The following SCN8A variants were observed in gnomAD, a reference collection of about 807,000 sequenced individuals.
SCN8A encodes sodium channel protein type 8 subunit alpha.
SCN8A carries 30 observed loss-of-function variants against 184.1 expected under a neutral mutation model. The ratio of observed to expected loss-of-function variants is 0.16; its 90% CI spans 0.12 to 0.22. The LOEUF (loss-of-function observed/expected upper bound fraction) is 0.22, where lower values mean the gene tolerates loss of function less well. Among genes scored for constraint, SCN8A ranks in the 10% least tolerant of loss-of-function variants. SCN8A has a pLI of 1.00. For synonymous variants in SCN8A, 852 were observed against 907.0 expected, an observed-to-expected ratio of 0.94 and a Z score of 1.09; for missense variants, 1,057 against 2,498.9, an observed-to-expected ratio of 0.42 and a Z score of 12.30.
chr12:51,671,339 A>G (rs1941126786), intron 2 of SCN8A, among the ~76,000 whole-genome samples: 1 of 152,116 alleles, frequency 6.6e-6, no homozygotes, highest in Admixed American at 6.6e-5. Flanking sequence ...TAATGTTTGC[A>G]ATTTTCTCCA....
intron 1 of SCN8A, among the ~76,000 whole-genome samples, chr12:51,598,157 G>A (rs1188560884): frequency 6.6e-6 from 1 of 152,124 alleles, no homozygotes; most frequent in Non-Finnish European, 1.5e-5. Context: ...TATTGTGATA[G>A]GGAGGGAAGA....
intron 1 of SCN8A, among the ~76,000 whole-genome samples, chr12:51,654,061 T>G (rs969043427): frequency 3.9e-5 from 6 of 152,260 alleles, no homozygotes; most frequent in African/African-American, 1.4e-4. Flanking sequence ...TGTTGTTGAG[T>G]TTTAGGAGTT....
chr12:51,681,953 T>TA (rs879887639), intron 2 of SCN8A, among the ~76,000 whole-genome samples: 224 of 145,112 alleles, frequency 1.5e-3, no homozygotes, highest in African/African-American at 4.8e-3. Flanking sequence ...GGATGGAGGT[T>TA]AAAAAAAAAA....
At chr12:51,791,983 C>A (rs1051179255) in intron 25 of SCN8A, among the ~76,000 whole-genome samples, 7 of 152,104 alleles carry the variant, frequency 4.6e-5, no homozygotes, top group African/African-American at 1.7e-4. Context: ...ATGTACCGTG[C>A]ACTAAGCATT....
At chr12:51,595,415 A>T (rs1176264011) in intron 1 of SCN8A, among the ~76,000 whole-genome samples, 3 of 152,250 alleles carry the variant, frequency 2.0e-5, no homozygotes, top group African/African-American at 7.2e-5. Context: ...GCCAGGACAC[A>T]TATTTAAGTA....
rs1001127487 is a variant in SCN8A at position 51,696,186 on chromosome 12, TTGTC to T, written c.707-3381_707-3378del. Among the ~76,000 whole-genome samples, 86 of 152,340 alleles carry T rather than the reference TTGTC, an allele frequency of 5.6e-4. 1 individual carries two copies. Among genetic ancestry groups the T allele is most frequent in the African/African-American group, 2.0e-3 (83 of 41,570 alleles). The stretch of plus-strand genomic sequence containing the variant: ...AGTCATCTGGTGTTTGGAAAGGTGA[TTGTC>T]TGAATCGTCTGGAGAGATGGCTGTA... On this transcript the variant is annotated intron_variant, in intron 6 of 26. Transcript: ENST00000627620.
At position 51,706,325 on chromosome 12, in the gene SCN8A, C is replaced by T. The variant is rs562129549; in HGVS notation, c.1342-97C>T. 3.3e-4 allele frequency: 404 copies of T among 1,218,076 alleles called. 5 individuals carry two copies. In the South Asian group the frequency reaches 8.6e-3, roughly 26 times the overall value. The allele number at this position is 1,218,076 out of a possible 1,614,324, so 75.5% of individuals were successfully genotyped here. On this transcript the variant is annotated intron_variant, in intron 10 of 26. Transcript: ENST00000627620. Reference sequence around the variant, plus strand: ...TTCCTGCCTCCTTTTTTCCTCCTTTCCCTTCAGTAGGGAAATGTTCTGTAC... The same window carrying T: ...TTCCTGCCTCCTTTTTTCCTCCTTTTCCTTCAGTAGGGAAATGTTCTGTAC...
At chr12:51,799,208 A>G (rs1938491328) in intron 26 of SCN8A, among the ~76,000 whole-genome samples, 1 of 152,178 alleles carries the variant, frequency 6.6e-6, no homozygotes, top group African/African-American at 2.4e-5. Flanking sequence ...AGTGGGGACC[A>G]TGGGCATTTG....
At position 51,807,444 on chromosome 12, in the gene SCN8A, T is replaced by A. The variant is rs1938741130; in HGVS notation, c.*15T>A. The A allele has an allele frequency of 6.3e-7, 1 of 1,595,624 alleles. No individual in the cohort carries two copies. The highest frequency in any genetic ancestry group is 1.3e-5 in the African/African-American group (1 of 74,450). ...CCAAGTGTTAGAGGAGAACAAAAAT[T>A]CAGTATTATACAGATCTAAAACTCG... On this transcript the variant is annotated 3_prime_UTR_variant, in exon 27 of 27. Coordinates refer to ENST00000627620, the MANE Select transcript of SCN8A (RefSeq NM_001330260.2). This position sits in a 1 kb window ranked among gnomAD's most constrained non-coding sequence, Gnocchi z 4.5.
At chr12:51,772,120 G>T (rs948407796) in intron 19 of SCN8A, among the ~76,000 whole-genome samples, 1 of 152,220 alleles carries the variant, frequency 6.6e-6, no homozygotes, top group African/African-American at 2.4e-5. Context: ...AAAGTGGCCC[G>T]GTCCAGTGGC....
intron 1 of SCN8A, among the ~76,000 whole-genome samples, chr12:51,614,058 T>C (rs1237852092): frequency 6.6e-6 from 1 of 152,176 alleles, no homozygotes; most frequent in Non-Finnish European, 1.5e-5. Flanking sequence ...TGATATCTAT[T>C]CAAGTTGGTT....
chr12:51,676,683 A>T (rs1592372526), intron 2 of SCN8A, among the ~76,000 whole-genome samples: 1 of 152,186 alleles, frequency 6.6e-6, no homozygotes, highest in Non-Finnish European at 1.5e-5. Flanking sequence ...TAGTTCTAGA[A>T]ATCAAAACAG....
At chr12:51,598,282 G>A (rs953897353) in intron 1 of SCN8A, among the ~76,000 whole-genome samples, 6 of 152,124 alleles carry the variant, frequency 3.9e-5, no homozygotes, top group African/African-American at 1.4e-4. Context: ...CATATTTTAA[G>A]AGTAGGTATT....
In SCN8A at chr12:51,786,659, C is replaced by T. The variant is rs757210769; in HGVS notation, c.4060C>T (p.His1354Tyr). 2 of 1,613,808 alleles carry T rather than the reference C, an allele frequency of 1.2e-6. No homozygotes were observed. Among genetic ancestry groups the T allele is most frequent in the South Asian group, 1.1e-5 (1 of 91,082 alleles). ...AGTTAACTTGTTTGCGGGAAAGTAC[C>T]ACTACTGCTTTAATGAGACTTCTGA... is the stretch of plus-strand genomic sequence containing the variant. ...MGVNLFAGKYHYCFNETSEIR... is the reference protein window; with the variant it reads ...MGVNLFAGKYYYCFNETSEIR... Residue 1354 changes from histidine (H) to tyrosine (Y), a missense_variant, in exon 22 of 27, where the codon CAC (histidine) becomes TAC (tyrosine). Physicochemically the swap from His to Tyr is moderately conservative, Grantham distance 83. Transcript: ENST00000627620.
chr12:51,790,700 G>C (rs1938225595), intron 25 of SCN8A, among the ~76,000 whole-genome samples, 198 bp downstream of exon 25: 1 of 152,068 alleles, frequency 6.6e-6, no homozygotes, highest in Non-Finnish European at 1.5e-5. Context: ...ATCAATCCTC[G>C]ACCTATCCTC....
Position 51,794,546 on chromosome 12 carries a change from G to A in SCN8A, c.4700G>A (p.Cys1567Tyr), listed in dbSNP as rs1592167164. The A allele has an allele frequency of 6.2e-7, 1 of 1,613,996 alleles. No individual in the cohort carries two copies. The highest frequency in any genetic ancestry group is 8.5e-7 in the Non-Finnish European group (1 of 1,179,882). The change falls in exon 26 of 27, where the codon TGT (cysteine) becomes TAT (tyrosine). Residue 1567 changes from cysteine (C) to tyrosine (Y), a missense_variant. Physicochemically the swap from Cys to Tyr is radical, Grantham distance 194. This residue lies in a region of SCN8A where 34 missense variants were observed against 64.0 expected (regional missense o/e 0.53). Transcript: ENST00000627620. ...INLVFVIFFT[C>Y]ECVLKMFALR... ...CTGGTGTTTGTTATCTTCTTCACCT[G>A]TGAGTGTGTGCTCAAAATGTTTGCG... is the stretch of plus-strand genomic sequence containing the variant.
Position 51,706,543 on chromosome 12 carries a change from C to T in SCN8A, c.1463C>T (p.Ala488Val). The T allele has an allele frequency of 1.9e-6, 3 of 1,606,556 alleles. No individual in the cohort carries two copies. The highest frequency in any genetic ancestry group is 2.6e-6 in the Non-Finnish European group (3 of 1,176,432). ...ATCTCTAAACTCAGCTCAAAGAGTG[C>T]AAAGGAAAGACGTAACAGGAGAAAG... ...SEISKLSSKS[A>V]KERRNRRKKR... is the part of the protein sequence containing the mutation. Residue 488 changes from alanine (A) to valine (V), a missense_variant, in exon 11 of 27, where the codon GCA (alanine) becomes GTA (valine). By Grantham distance (64) the Ala-to-Val change is moderately conservative. Transcript: ENST00000627620.
intron 2 of SCN8A, among the ~76,000 whole-genome samples, chr12:51,677,411 T>C (rs1404083629): frequency 1.3e-5 from 2 of 152,052 alleles, no homozygotes; most frequent in African/African-American, 4.8e-5. Context: ...TTTACACTTT[T>C]TGTGTGGCTA....
rs1555231217 is a variant in SCN8A at position 51,807,415 on chromosome 12, G to T, written c.5929G>T (p.Glu1977Ter). The change falls in exon 27 of 27, where the codon GAA becomes TAA. Residue 1977 changes from glutamate (E) to a stop codon, truncating the protein, a stop_gained. Coordinates refer to ENST00000627620, the MANE Select transcript of SCN8A (RefSeq NM_001330260.2). LOFTEE classifies it high-confidence loss of function. This position sits in a 1 kb window ranked among gnomAD's most constrained non-coding sequence, Gnocchi z 4.5. Reference sequence around the variant, plus strand: ...AGCCAAAAGACAAAAAGAGGTCAGAGAATCCAAGTGTTAGAGGAGAACAAA... The same window carrying T: ...AGCCAAAAGACAAAAAGAGGTCAGATAATCCAAGTGTTAGAGGAGAACAAA... ...ERAKRQKEVR[E>*]SKC 3 of 1,610,002 alleles carry T rather than the reference G, an allele frequency of 1.9e-6. No homozygotes were observed. The highest frequency in any genetic ancestry group is 2.2e-5 in the East Asian group (1 of 44,774).
Sources: gnomAD v4.1 joint callset for allele counts (sites outside exome capture counted in the v4.1 genomes callset) on GRCh38, gnomAD v4.1.1 for gene constraint, gnomAD v4.1.1 regional missense constraint, Gnocchi (gnomAD v3.1) non-coding constraint, MANE v1.5 for transcripts, NCBI Gene and HGNC (gene_info 2026-07-23, HGNC 2026-07-21) for gene names.